GYG1: variants seen among roughly 807,000 people sequenced by gnomAD.
GYG1 encodes glycogenin-1.
GYG1 carries 44 observed loss-of-function variants against 41.9 expected under a neutral mutation model. The ratio of observed to expected loss-of-function variants is 1.05; its 90% CI spans 0.83 to 1.35. GYG1 has a LOEUF of 1.35. GYG1 is among the 40% of genes most tolerant of loss of function. The probability of loss-of-function intolerance (pLI) is 0.00; values close to 1 mark genes in which losing one functional copy is unlikely to be tolerated. For missense variants in GYG1, 429 were observed against 418.9 expected (o/e 1.02, Z -0.21); for synonymous variants, 141 against 158.1 (o/e 0.89, Z 0.81).
At chr3:149,003,394 G>A (rs762336862) in intron 4 of GYG1, among the ~76,000 whole-genome samples, 1 of 152,122 alleles carries the variant, frequency 6.6e-6, no homozygotes, top group Non-Finnish European at 1.5e-5. Flanking sequence ...GGGATTACAG[G>A]TGTGAGTCAC....
At chr3:148,997,010 A>G (rs1712837772) in intron 4 of GYG1, 106 bp downstream of exon 4, 2 of 862,736 alleles carry the variant, frequency 2.3e-6, no homozygotes, top group Non-Finnish European at 3.9e-6. Context: ...TGGAAGATAT[A>G]AGAGATGGAG....
intron 2 of GYG1, 112 bp from the exon 3 acceptor site, chr3:148,996,190 T>C: frequency 1.2e-6 from 1 of 814,502 alleles, no homozygotes; most frequent in Non-Finnish European, 2.2e-6. Flanking sequence ...ACCAAAGCAA[T>C]ACATTGTTCT....
Position 148,996,762 on chromosome 3 carries a change from T to C in GYG1, c.339T>C (p.Asp113=), listed in dbSNP as rs781200988. 6.2e-7 allele frequency: 1 copy of C among 1,614,054 alleles called. No homozygotes were observed. The change falls in exon 4 of 8, where the codon GAT becomes GAC. Residue 113 remains aspartate, a synonymous_variant. Coordinates refer to ENST00000345003, the MANE Select transcript of GYG1 (RefSeq NM_004130.4). ...ATCAGGTCCTAGCAAATATTGATGA[T>C]CTTTTTGACAGAGAAGAATTGTCAG... The part of the protein sequence containing the change: ...ADTLVLANID[D]LFDREELSAA...
chr3:149,012,737 CTT>C (rs1384298717), intron 5 of GYG1, among the ~76,000 whole-genome samples: 1 of 151,976 alleles, frequency 6.6e-6, no homozygotes, highest in African/African-American at 2.4e-5. Flanking sequence ...GGAAGATCCT[CTT>C]TAACACGGCA....
At chr3:149,007,847 G>C (rs1017870767) in intron 4 of GYG1, among the ~76,000 whole-genome samples, 1 of 152,160 alleles carries the variant, frequency 6.6e-6, no homozygotes, top group Non-Finnish European at 1.5e-5. Context: ...GTGAACTCCT[G>C]TTCTGCTGCT....
intron 5 of GYG1, among the ~76,000 whole-genome samples, chr3:149,013,651 T>C (rs1713861250): frequency 6.6e-6 from 1 of 152,220 alleles, no homozygotes; most frequent in Non-Finnish European, 1.5e-5. Flanking sequence ...TATTTCTTTC[T>C]TTTTTAAGAA....
chr3:149,005,327 G>A (rs969589273), intron 4 of GYG1, among the ~76,000 whole-genome samples: 2 of 152,052 alleles, frequency 1.3e-5, no homozygotes, highest in Non-Finnish European at 2.9e-5. Flanking sequence ...GAGGGGGGAA[G>A]GAACATCTAT....
intron 4 of GYG1, 118 bp from the exon 5 acceptor site, chr3:149,009,158 C>CAAA (rs3043934): frequency 1.6e-3 from 1,003 of 639,454 alleles, no homozygotes; most frequent in Middle Eastern, 2.8e-3. Context: ...GACTCCGTCT[C>CAAA]AAAAAAAAAA....
At chr3:149,013,009 G>C (rs1713820748) in intron 5 of GYG1, among the ~76,000 whole-genome samples, 1 of 150,304 alleles carries the variant, frequency 6.7e-6, no homozygotes, top group African/African-American at 2.4e-5. Context: ...GTGTGTGTGT[G>C]TGTGTGTGTG....
At position 149,029,578 on chromosome 3, in the gene GYG1, A is replaced by G. The variant is rs1714843066; in HGVS notation, c.*2645A>G. On this transcript the variant is annotated 3_prime_UTR_variant, in exon 8 of 8. Coordinates refer to ENST00000345003, the MANE Select transcript of GYG1 (RefSeq NM_004130.4). ...GAGGTTAAACATTTGAGTTTTTGTT[A>G]AGAGCCAAACATCAAATGTGCCCTT... Among the ~76,000 whole-genome samples the G allele has an allele frequency of 6.6e-6, 1 of 152,242 alleles. No individual in the cohort carries two copies. Among genetic ancestry groups the G allele is most frequent in the Non-Finnish European group, 1.5e-5 (1 of 68,034 alleles).
intron 4 of GYG1, among the ~76,000 whole-genome samples, chr3:149,006,117 CTG>C (rs1713392067): frequency 7.3e-6 from 1 of 136,288 alleles, no homozygotes; most frequent in Non-Finnish European, 1.5e-5. Context: ...GAGTCTCACT[CTG>C]TCACCCTGCC....
Position 149,026,471 on chromosome 3 carries a change from C to T in GYG1, c.848C>T (p.Thr283Ile). The T allele has an allele frequency of 6.2e-7, 1 of 1,606,042 alleles. No homozygotes were observed. Among genetic ancestry groups the T allele is most frequent in the African/African-American group, 1.3e-5 (1 of 74,892 alleles). The part of the protein sequence containing the change: ...YVNVLSDLVY[T>I]LAFSCGFCRK... ...TTGCAGCTTTCAGACTTGGTCTATACACTGGCTTTCTCTTGTGGCTTCTGT... is the reference window on the plus strand; with the variant it reads ...TTGCAGCTTTCAGACTTGGTCTATATACTGGCTTTCTCTTGTGGCTTCTGT... Residue 283 changes from threonine (T) to isoleucine (I), a missense_variant, in exon 7 of 8, where the codon ACA (threonine) becomes ATA (isoleucine). Thr to Ile is a moderately conservative substitution (Grantham distance 89). Coordinates refer to ENST00000345003, the MANE Select transcript of GYG1 (RefSeq NM_004130.4).
chr3:148,997,968 A>C (rs1410840211), intron 4 of GYG1, among the ~76,000 whole-genome samples: 2 of 152,264 alleles, frequency 1.3e-5, no homozygotes, highest in East Asian at 3.8e-4. Flanking sequence ...CTCATTTGAC[A>C]AAAGATTCAG....
rs536849208 is a variant in GYG1, at chr3:149,009,978, G to A, written c.608+576G>A. Among the ~76,000 whole-genome samples the A allele has an allele frequency of 8.5e-5, 13 of 152,278 alleles. 1 individual carries two copies. The highest frequency in any genetic ancestry group is 3.1e-4 in the African/African-American group (13 of 41,546). ...TCCATGTCTTCATAGGGTTATTGTG[G>A]GTAGTAAGGGAGGTAATCATGTAGC... On this transcript the variant is annotated intron_variant, in intron 5 of 7. Coordinates refer to ENST00000345003, the MANE Select transcript of GYG1 (RefSeq NM_004130.4).
At chr3:148,998,927 C>T (rs2107890288) in intron 4 of GYG1, among the ~76,000 whole-genome samples, 1 of 152,314 alleles carries the variant, frequency 6.6e-6, no homozygotes, top group South Asian at 2.1e-4. Context: ...TAACTCTTTT[C>T]AGCTTTAGTA....
At chr3:149,019,370 G>A (rs1714250183) in intron 5 of GYG1, among the ~76,000 whole-genome samples, 1 of 152,132 alleles carries the variant, frequency 6.6e-6, no homozygotes, top group Non-Finnish European at 1.5e-5. Context: ...CTGTTGGGAG[G>A]CTACATCACT....
intron 4 of GYG1, 124 bp from the exon 5 acceptor site, chr3:149,009,152 C>G (rs1713572921): frequency 2.9e-6 from 2 of 692,970 alleles, no homozygotes; most frequent in South Asian, 3.7e-5. Context: ...GAGCGAGACT[C>G]CGTCTCAAAA....
At chr3:148,995,524 T>C (rs116122527) in intron 2 of GYG1, among the ~76,000 whole-genome samples, 3,498 of 152,320 alleles carry the variant, frequency 0.023, 57 homozygotes, top group South Asian at 0.053. Flanking sequence ...TGTGCCCTAA[T>C]TTGTAGTCTA....
At chr3:149,014,249 C>T (rs1713894558) in intron 5 of GYG1, among the ~76,000 whole-genome samples, 1 of 152,164 alleles carries the variant, frequency 6.6e-6, no homozygotes, top group Admixed American at 6.5e-5. Flanking sequence ...GTGTTTATCT[C>T]TATCAGATGA....
Sources: gnomAD v4.1 joint callset for allele counts (sites outside exome capture counted in the v4.1 genomes callset) on GRCh38, gnomAD v4.1.1 for gene constraint, MANE v1.5 for transcripts, NCBI Gene and HGNC (gene_info 2026-07-23, HGNC 2026-07-21) for gene names.